The following SNX19 variants were observed in gnomAD, a reference collection of about 807,000 sequenced individuals.
The protein encoded by SNX19 is sorting nexin 19, also known as sorting nexin-19.
A neutral mutation model predicts 85.2 loss-of-function variants in SNX19; 60 were observed. The observed-to-expected ratio is 0.70, with a 90% CI of 0.57 to 0.87. The LOEUF (loss-of-function observed/expected upper bound fraction) is 0.87. Among genes scored for constraint, SNX19 ranks in the 40% least tolerant of loss-of-function variants. The pLI is 0.00. For synonymous variants in SNX19, 520 were observed against 470.0 expected, an observed-to-expected ratio of 1.11 and a Z score of -1.38; for missense variants, 1,201 against 1,217.8, an observed-to-expected ratio of 0.99 and a Z score of 0.21.
At chr11:130,892,032 C>T (rs1199798012) in intron 8 of SNX19, among the ~76,000 whole-genome samples, 2 of 151,438 alleles carry the variant, frequency 1.3e-5, no homozygotes, top group Non-Finnish European at 2.9e-5. Context: ...TCAGTAAAGA[C>T]GGGGTTTCAC....
rs1429556117 is a variant in SNX19 at position 130,911,667 on chromosome 11, C to T, written c.1779G>A (p.Leu593=). 6.2e-7 allele frequency: 1 copy of T among 1,614,068 alleles called. No homozygotes were observed. Among genetic ancestry groups the T allele is most frequent in the African/African-American group, 1.3e-5 (1 of 74,916 alleles). Residue 593 remains leucine (L), a synonymous_variant, in exon 2 of 11, where the codon CTG becomes CTA. Coordinates refer to ENST00000265909, the MANE Select transcript of SNX19 (RefSeq NM_014758.3). The part of the protein sequence containing the change: ...YREFLNLQTR[L]EEKPDLRKFI... ...ACTTTCGTAGATCTGGTTTCTCCTC[C>T]AGACGGGTCTGCAGATTCAAGAACT...
At chr11:130,910,675 T>C (rs1946035431) in intron 2 of SNX19, among the ~76,000 whole-genome samples, 1 of 152,186 alleles carries the variant, frequency 6.6e-6, no homozygotes, top group Non-Finnish European at 1.5e-5. Context: ...ATGAGGATAA[T>C]GAGGGCACCT....
At chr11:130,896,713 C>T (rs7933747) in intron 8 of SNX19, among the ~76,000 whole-genome samples, 96,688 of 152,086 alleles carry the variant, frequency 0.64, 31,013 homozygotes, top group South Asian at 0.8. Context: ...TGTAGAACTA[C>T]ATGTCTATCT....
In SNX19 at chr11:130,875,457, A is replaced by G. The variant is rs1943194205; in HGVS notation, c.*2965T>C. ...AGCACTGTGCTGCTTCTAGTTAATA[A>G]TGTACCGTCTCAAAATAAATAAATA... On this transcript the variant is annotated 3_prime_UTR_variant, in exon 11 of 11. Transcript: ENST00000265909. 1 of 152,186 alleles carries G rather than the reference A, an allele frequency of 6.6e-6. No individual in the cohort carries two copies. The highest frequency in any genetic ancestry group is 2.1e-4 in the South Asian group (1 of 4,828). The allele number at this position is 152,186 out of a possible 1,614,324, so 9.4% of individuals were successfully genotyped here. A position where few individuals can be genotyped will look rare whatever the true frequency, so the allele number is the denominator to read the frequency against.
Position 130,878,450 on chromosome 11 carries a change from T to G in SNX19, c.2951A>C (p.Asn984Thr), listed in dbSNP as rs1300813829. The change falls in exon 11 of 11, where the codon AAC becomes ACC. Residue 984 changes from asparagine (N) to threonine (T), a missense_variant. By Grantham distance (65) the Asn-to-Thr change is moderately conservative (BLOSUM62 0). Coordinates refer to ENST00000265909, the MANE Select transcript of SNX19 (RefSeq NM_014758.3). ...ATTSASDTPGNSKRMGVSS is the reference protein window; with the variant it reads ...ATTSASDTPGTSKRMGVSS ...AGAGGAGACACCCATCCTCTTAGAG[T>G]TGCCTGGGGTATCTGAGGCAGAGGT... 1 of 1,613,474 alleles carries G rather than the reference T, an allele frequency of 6.2e-7. No individual in the cohort carries two copies. Among genetic ancestry groups the G allele is most frequent in the Non-Finnish European group, 8.5e-7 (1 of 1,179,800 alleles).
chr11:130,890,495 A>G (rs909156369), intron 8 of SNX19, among the ~76,000 whole-genome samples: 1 of 152,204 alleles, frequency 6.6e-6, no homozygotes, highest in Non-Finnish European at 1.5e-5. Context: ...ATGAGTGACA[A>G]ATGTTTTGTT....
Position 130,916,128 on chromosome 11 carries a change from G to C in SNX19, c.-189C>G. ...CAGCTGCAGCTCCGCGTCTCCCCAT[G>C]GCTACCACTAACAGAGCCCTCCAAC... On this transcript the variant is annotated 5_prime_UTR_variant, in exon 1 of 11. Transcript: ENST00000265909. 1 of 601,624 alleles carries C rather than the reference G, an allele frequency of 1.7e-6. No homozygotes were observed. Among genetic ancestry groups the C allele is most frequent in the East Asian group, 2.8e-5 (1 of 36,088 alleles). 37.3% of individuals were successfully genotyped at this position (601,624 alleles called of 1,614,324 possible).
At chr11:130,888,259 G>A (rs2135312324) in intron 8 of SNX19, among the ~76,000 whole-genome samples, 1 of 152,062 alleles carries the variant, frequency 6.6e-6, no homozygotes, top group South Asian at 2.1e-4. Flanking sequence ...ATCATCTAGA[G>A]TTTTAACTAC....
intron 8 of SNX19, 132 bp from the exon 9 acceptor site, chr11:130,880,938 A>G (rs1253780681): frequency 5.8e-6 from 4 of 688,134 alleles, no homozygotes; most frequent in Non-Finnish European, 9.1e-6. Context: ...TGGCAGTAGG[A>G]GGTGGGGCCT....
rs1303607798 is a variant in SNX19 at position 130,914,659 on chromosome 11, AC to A, written c.1280del (p.Gly427ValfsTer15). ...EASEGAEAEE[G>X]PGTETETGLP... ...GGCCTGTCTCTGTTTCTGTCCCTGG[AC>A]CCTCCTCAGCCTCTGCTCCTTCAGA... On this transcript the variant is annotated frameshift_variant, in exon 1 of 11. Coordinates refer to ENST00000265909, the MANE Select transcript of SNX19 (RefSeq NM_014758.3). LOFTEE classifies it high-confidence loss of function. The A allele has an allele frequency of 1.1e-5, 17 of 1,613,216 alleles. No homozygotes were observed. Among genetic ancestry groups the A allele is most frequent in the Non-Finnish European group, 1.4e-5 (17 of 1,179,736 alleles).
chr11:130,910,970 A>G (rs139989165), intron 2 of SNX19, among the ~76,000 whole-genome samples: 24,129 of 152,062 alleles, frequency 0.16, 2,186 homozygotes, highest in Middle Eastern at 0.25. Flanking sequence ...CGAGGTGGGT[A>G]GATTGCTTGA....
At chr11:130,907,115 C>G (rs1945731006) in intron 5 of SNX19, among the ~76,000 whole-genome samples, 1 of 152,184 alleles carries the variant, frequency 6.6e-6, no homozygotes. Context: ...TATTGCTATT[C>G]ATGGTGTATC....
At chr11:130,897,678 C>G (rs1592326439) in intron 8 of SNX19, among the ~76,000 whole-genome samples, 1 of 152,170 alleles carries the variant, frequency 6.6e-6, no homozygotes, top group Non-Finnish European at 1.5e-5. Context: ...CTGCCCCAAA[C>G]CCCCTACCAT....
intron 7 of SNX19, among the ~76,000 whole-genome samples, chr11:130,905,371 T>C (rs1001832905): frequency 6.6e-6 from 1 of 152,266 alleles, no homozygotes; most frequent in Non-Finnish European, 1.5e-5. Context: ...AATTTCCATC[T>C]TGAACACGTT....
rs559793199 is a variant in SNX19 at position 130,915,828 on chromosome 11, A to T, written c.112T>A (p.Trp38Arg). 1.2e-6 allele frequency: 2 copies of T among 1,614,234 alleles called. No homozygotes were observed. The highest frequency in any genetic ancestry group is 2.2e-5 in the South Asian group (2 of 91,082). The change falls in exon 1 of 11, where the codon TGG (tryptophan) becomes AGG (arginine). Residue 38 changes from tryptophan to arginine, a missense_variant. Physicochemically the swap from Trp to Arg is moderately radical, Grantham distance 101 (BLOSUM62 -3). Transcript: ENST00000265909. ...ACCAGAAGGTGTATGACCAGGAGCC[A>T]GCCAAGCAAGACCCCCACAGCCATC... Reference protein sequence around the residue: ...KLMAVGVLLGWLLVIHLLVNV... With the variant: ...KLMAVGVLLGRLLVIHLLVNV...
chr11:130,885,219 C>T (rs528396010), intron 8 of SNX19, among the ~76,000 whole-genome samples: 58 of 152,164 alleles, frequency 3.8e-4, no homozygotes, highest in South Asian at 1.0e-3. Flanking sequence ...ACATTTTGAC[C>T]CCAAGACATT....
chr11:130,914,920 C>G lies in SNX19; in HGVS notation c.1020G>C (p.Leu340Phe). ...CTTTTCTTTCTTCACACATCCCACC[C>G]AAATCTCCCTCTACAGCTTCGTGGC... is the stretch of plus-strand genomic sequence containing the variant. The part of the protein sequence containing the change: ...EEGHEAVEGD[L>F]GGMCEERKVG... Residue 340 changes from leucine to phenylalanine, a missense_variant, in exon 1 of 11, where the codon TTG becomes TTC. Leu to Phe is a conservative substitution (Grantham distance 22). Coordinates refer to ENST00000265909, the MANE Select transcript of SNX19 (RefSeq NM_014758.3). 6.2e-7 allele frequency: 1 copy of G among 1,614,208 alleles called. No homozygotes were observed. Among genetic ancestry groups the G allele is most frequent in the Non-Finnish European group, 8.5e-7 (1 of 1,180,036 alleles).
intron 8 of SNX19, among the ~76,000 whole-genome samples, chr11:130,881,428 C>T (rs1237817141): frequency 6.6e-6 from 1 of 152,190 alleles, no homozygotes; most frequent in African/African-American, 2.4e-5. Flanking sequence ...CTGGGTGAGC[C>T]TGCACCTATA....
At position 130,868,391 on chromosome 11, in the gene SNX19, T is replaced by C. The variant is rs1565490099; in HGVS notation, c.*10031A>G. The C allele has an allele frequency of 6.6e-6, 1 of 152,040 alleles. No homozygotes were observed. Among genetic ancestry groups the C allele is most frequent in the South Asian group, 2.1e-4 (1 of 4,822 alleles). 9.4% of individuals were successfully genotyped at this position (152,040 alleles called of 1,614,324 possible). On this transcript the variant is annotated 3_prime_UTR_variant, in exon 11 of 11. Transcript: ENST00000265909. Reference sequence around the variant, plus strand: ...CTTCTTGAGCCCGTAATTTATCAGATTTTTTTTCCTGTGGCGATACAGAGG... The same window carrying C: ...CTTCTTGAGCCCGTAATTTATCAGACTTTTTTTCCTGTGGCGATACAGAGG...
Sources: gnomAD v4.1 joint callset for allele counts (sites outside exome capture counted in the v4.1 genomes callset) on GRCh38, gnomAD v4.1.1 for gene constraint, MANE v1.5 for transcripts, NCBI Gene and HGNC (gene_info 2026-07-23, HGNC 2026-07-21) for gene names.